The following SDK1 variants were observed in gnomAD, a reference collection of about 807,000 sequenced individuals.
SDK1 encodes protein sidekick-1.
A neutral mutation model predicts 245.5 loss-of-function variants in SDK1; 157 were observed. The observed-to-expected ratio is 0.64, with a 90% confidence interval of 0.56 to 0.73. The LOEUF (loss-of-function observed/expected upper bound fraction) is 0.73. SDK1 is among the 30% of genes least tolerant of loss of function. SDK1 has a pLI of 0.00. For missense variants in SDK1, 3,583 were observed against 3,002.3 expected (o/e 1.19, Z -4.52); for synonymous variants, 1,647 against 1,278.5 (o/e 1.29, Z -6.15).
chr7:3,843,544 T>C lies in SDK1; in HGVS notation c.847+21961T>C, dbSNP rs546091083. Among the ~76,000 whole-genome samples, 579 of 152,366 alleles carry C rather than the reference T, an allele frequency of 3.8e-3. 5 individuals are homozygous for C. Among genetic ancestry groups the C allele is most frequent in the African/African-American group, 0.013 (561 of 41,584 alleles). ...TTCCTTCATTAGTTTTAATTCATTTTTCAGCACACCTGATTTTTTAATTCA... is the reference window on the plus strand; with the variant it reads ...TTCCTTCATTAGTTTTAATTCATTTCTCAGCACACCTGATTTTTTAATTCA... On this transcript the variant is annotated intron_variant, in intron 5 of 44. Transcript: ENST00000404826.
At position 3,443,298 on chromosome 7, in the gene SDK1, C is replaced by T. The variant is rs78047253; in HGVS notation, c.298+141414C>T. ...GAGAGCTAACACTACTTATGTTTGA[C>T]AATTTTAGAATAGGAATAAGGTAAA... On this transcript the variant is annotated intron_variant, in intron 1 of 44. Transcript: ENST00000404826. Among the ~76,000 whole-genome samples, 25 of 152,176 alleles carry T rather than the reference C, an allele frequency of 1.6e-4. No homozygotes were observed. In the East Asian group the frequency reaches 4.6e-3, roughly 28 times the overall value.
chr7:4,198,659 T>C (rs1383239373), intron 35 of SDK1, among the ~76,000 whole-genome samples: 2 of 152,162 alleles, frequency 1.3e-5, no homozygotes, highest in Admixed American at 1.3e-4. Flanking sequence ...ATCCTTACTA[T>C]CTGGGCCTTT....
intron 14 of SDK1, among the ~76,000 whole-genome samples, chr7:3,992,114 C>T (rs1351316041): frequency 6.6e-6 from 1 of 152,218 alleles, no homozygotes; most frequent in Non-Finnish European, 1.5e-5. Context: ...TGCCATTCTC[C>T]TGGAAGCCGG....
At chr7:3,795,991 T>G (rs1238370765) in intron 4 of SDK1, among the ~76,000 whole-genome samples, 1 of 152,202 alleles carries the variant, frequency 6.6e-6, no homozygotes, top group Non-Finnish European at 1.5e-5. Context: ...ATTCATAATC[T>G]TTGGCTTTAA....
At chr7:3,984,058 T>C (rs1302340213) in intron 13 of SDK1, among the ~76,000 whole-genome samples, 1 of 152,214 alleles carries the variant, frequency 6.6e-6, no homozygotes, top group African/African-American at 2.4e-5. Flanking sequence ...CATCCCTCAA[T>C]CTCAGGCTGT....
At position 4,108,632 on chromosome 7, in the gene SDK1, C is replaced by G. The variant is rs115896034; in HGVS notation, c.3325-2031C>G. Among the ~76,000 whole-genome samples the G allele has an allele frequency of 8.0e-3, 1,214 of 152,254 alleles. 15 individuals are homozygous for G. Among genetic ancestry groups the G allele is most frequent in the African/African-American group, 0.028 (1,178 of 41,530 alleles). ...CTCGTTCTCTACCAAATATTTTGGC[C>G]GGTCATTCTACATTTCATTTTATTG... On this transcript the variant is annotated intron_variant, in intron 22 of 44. Transcript: ENST00000404826.
intron 1 of SDK1, among the ~76,000 whole-genome samples, chr7:3,320,891 G>A (rs1248584703): frequency 6.9e-6 from 1 of 145,812 alleles, no homozygotes; most frequent in Non-Finnish European, 1.5e-5. Flanking sequence ...AAGGAAAAAT[G>A]TGGGTTAAAA....
At chr7:3,402,936 C>T (rs535424860) in intron 1 of SDK1, among the ~76,000 whole-genome samples, 1 of 150,264 alleles carries the variant, frequency 6.7e-6, no homozygotes, top group African/African-American at 2.5e-5. Flanking sequence ...CATTTCTATT[C>T]CTCTGTTTCT....
intron 1 of SDK1, among the ~76,000 whole-genome samples, chr7:3,474,581 G>T (rs189727391): frequency 1.3e-5 from 2 of 152,140 alleles, no homozygotes. Flanking sequence ...TGTCTTACCT[G>T]TTACCGTCTT....
intron 22 of SDK1, among the ~76,000 whole-genome samples, chr7:4,091,990 C>A (rs1389740378): frequency 6.6e-6 from 1 of 152,146 alleles, no homozygotes; most frequent in Admixed American, 6.5e-5. Flanking sequence ...TCGTGACAAG[C>A]AGCGAGCAGA....
At chr7:3,840,635 T>C (rs1780133222) in intron 5 of SDK1, among the ~76,000 whole-genome samples, 1 of 152,188 alleles carries the variant, frequency 6.6e-6, no homozygotes, top group African/African-American at 2.4e-5. Context: ...AAAACCAAGA[T>C]TTCCAACAAG....
intron 1 of SDK1, among the ~76,000 whole-genome samples, chr7:3,590,817 C>G (rs1452304281): frequency 7.3e-6 from 1 of 137,400 alleles, no homozygotes; most frequent in East Asian, 2.1e-4. Flanking sequence ...TGGTCTTGCT[C>G]TGTCCCCCAG....
At chr7:4,224,640 A>G (rs1378975390) in intron 40 of SDK1, among the ~76,000 whole-genome samples, 1 of 152,086 alleles carries the variant, frequency 6.6e-6, no homozygotes, top group Non-Finnish European at 1.5e-5. Flanking sequence ...TAGTTTATAT[A>G]TCTACAACCA....
At chr7:3,576,110 A>G (rs1780281048) in intron 1 of SDK1, among the ~76,000 whole-genome samples, 1 of 152,146 alleles carries the variant, frequency 6.6e-6, no homozygotes, top group African/African-American at 2.4e-5. Context: ...TTGTAATTAG[A>G]AAAAGCAACA....
At chr7:3,428,553 A>G (rs1450809528) in intron 1 of SDK1, among the ~76,000 whole-genome samples, 1 of 152,206 alleles carries the variant, frequency 6.6e-6, no homozygotes, top group African/African-American at 2.4e-5. Flanking sequence ...TTAAATACTC[A>G]TGGAGTTCAA....
chr7:4,217,559 A>AACCACACCACCCGGAGC (rs1373380857), intron 38 of SDK1, among the ~76,000 whole-genome samples: 1 of 55,206 alleles, frequency 1.8e-5, no homozygotes, highest in Admixed American at 2.0e-4. Flanking sequence ...CCACCCGGAG[A>AACCACACCACCCGGAGC]ACCACACCAC....
chr7:3,525,286 C>T lies in SDK1; in HGVS notation c.299-93794C>T, dbSNP rs538112880. On this transcript the variant is annotated intron_variant, in intron 1 of 44. Coordinates refer to ENST00000404826, the MANE Select transcript of SDK1 (RefSeq NM_152744.4). The stretch of plus-strand genomic sequence containing the variant: ...GGCCTCTCTCCATGAATTTAAGTCA[C>T]CAGGACTGGGTTTGGGGAGTGTCAG... Among the ~76,000 whole-genome samples, 27 of 152,072 alleles carry T rather than the reference C, an allele frequency of 1.8e-4. No homozygotes were observed. The South Asian group carries it at 3.1e-3, about 18-fold the overall frequency.
intron 1 of SDK1, among the ~76,000 whole-genome samples, chr7:3,536,624 A>T (rs774214155): frequency 1.3e-5 from 2 of 151,678 alleles, no homozygotes; most frequent in Non-Finnish European, 2.9e-5. Flanking sequence ...AACGTGGGAG[A>T]TGGAGGTTGC....
At chr7:3,439,337 GTCA>G (rs1244341636) in intron 1 of SDK1, among the ~76,000 whole-genome samples, 1 of 152,136 alleles carries the variant, frequency 6.6e-6, no homozygotes, top group East Asian at 1.9e-4. Flanking sequence ...TGTTTCTCAA[GTCA>G]TCATATATGA....
Sources: gnomAD v4.1 joint callset for allele counts (sites outside exome capture counted in the v4.1 genomes callset) on GRCh38, gnomAD v4.1.1 for gene constraint, MANE v1.5 for transcripts, NCBI Gene and HGNC (gene_info 2026-07-23, HGNC 2026-07-21) for gene names.